IL6ST: variants seen among roughly 807,000 people sequenced by gnomAD.
IL6ST encodes the protein interleukin-6 receptor subunit beta.
A neutral mutation model predicts 91.3 loss-of-function variants in IL6ST; 24 were observed. That is an observed-to-expected ratio of 0.26 (90% CI 0.19 to 0.37). The LOEUF is 0.37. Ranked by LOEUF, IL6ST falls within the 10% of genes least tolerant of loss-of-function variation. The pLI is 1.00. For missense variants in IL6ST, 914 were observed against 1,078.5 expected (o/e 0.85, Z 2.14); for synonymous variants, 351 against 373.6 (o/e 0.94, Z 0.70).
rs773736097 is a variant in IL6ST, at chr5:55,963,455, G to C, written c.710C>G (p.Ser237Cys). 6.2e-7 allele frequency: 1 copy of C among 1,608,152 alleles called. No homozygotes were observed. Among genetic ancestry groups the C allele is most frequent in the Admixed American group, 1.7e-5 (1 of 59,734 alleles). ...GGTCCATGTCAATTTTAAGATACTA[G>C]ACAGTTCCTCTGAGTTGATCACTGA... is the stretch of plus-strand genomic sequence containing the variant. ...NLSVINSEEL[S>C]SILKLTWTNP... The change falls in exon 7 of 17, where the codon TCT becomes TGT. Residue 237 changes from serine to cysteine, a missense_variant. Transcript: ENST00000381298.
In IL6ST at chr5:55,963,457, C is replaced by A. The variant is rs1457842449; in HGVS notation, c.708G>T (p.Leu236=). 1.2e-6 allele frequency: 2 copies of A among 1,608,940 alleles called. No homozygotes were observed. Among genetic ancestry groups the A allele is most frequent in the African/African-American group, 2.7e-5 (2 of 74,742 alleles). Residue 236 remains leucine, a synonymous_variant, in exon 7 of 17, where the codon CTG becomes CTT. Transcript: ENST00000381298. ...TCCATGTCAATTTTAAGATACTAGA[C>A]AGTTCCTCTGAGTTGATCACTGATA... is the stretch of plus-strand genomic sequence containing the variant. ...HNLSVINSEE[L]SSILKLTWTN...
At position 55,956,213 on chromosome 5, in the gene IL6ST, T is replaced by C. The variant is rs769896251; in HGVS notation, c.1079A>G (p.Asn360Ser). 6.2e-6 allele frequency: 10 copies of C among 1,606,084 alleles called. No homozygotes were observed. The South Asian group carries it at 6.6e-5, about 11-fold the overall frequency. Residue 360 changes from asparagine (N) to serine (S), a missense_variant, in exon 10 of 17, where the codon AAT (asparagine) becomes AGT (serine). Physicochemically the swap from Asn to Ser is conservative, Grantham distance 46 (BLOSUM62 1). Coordinates refer to ENST00000381298, the MANE Select transcript of IL6ST (RefSeq NM_002184.4). ...VWKTLPPFEA[N>S]GKILDYEVTL... ...CACTTCATAATCCAAGATTTTTCCA[T>C]TGGCTTCAAAAGGAGGCAATGTCTG...
chr5:55,968,900 T>C (rs1190128544), intron 4 of IL6ST, among the ~76,000 whole-genome samples: 1 of 152,172 alleles, frequency 6.6e-6, no homozygotes, highest in African/African-American at 2.4e-5. Context: ...TTTGTTTACT[T>C]TGTTACTCCA....
chr5:55,969,951 G>A (rs1752867769), intron 3 of IL6ST, 96 bp from the exon 4 acceptor site: 4 of 707,680 alleles, frequency 5.7e-6, no homozygotes, highest in Non-Finnish European at 9.4e-6. Context: ...TCCCTCAACC[G>A]TCACTAAAAT....
intron 2 of IL6ST, among the ~76,000 whole-genome samples, chr5:55,977,691 T>C (rs966737213): frequency 6.6e-6 from 1 of 152,088 alleles, no homozygotes; most frequent in African/African-American, 2.4e-5. Context: ...CTTGGCGTGG[T>C]GGCGGGTGTC....
At chr5:55,942,586 C>A in intron 16 of IL6ST, 84 bp downstream of exon 16, 1 of 689,850 alleles carries the variant, frequency 1.4e-6, no homozygotes, top group Non-Finnish European at 2.6e-6. Flanking sequence ...TGTAGATACT[C>A]AATATACCTA....
intron 14 of IL6ST, among the ~76,000 whole-genome samples, chr5:55,949,153 TA>T (rs561985951): frequency 9.9e-5 from 15 of 152,150 alleles, no homozygotes; most frequent in Non-Finnish European, 1.8e-4. Context: ...CTGTACAGTC[TA>T]AATTCCCTAT....
At chr5:55,949,533 CATACAT>C (rs944223536) in intron 14 of IL6ST, among the ~76,000 whole-genome samples, 10 of 152,024 alleles carry the variant, frequency 6.6e-5, no homozygotes, top group Non-Finnish European at 1.3e-4. Context: ...TACACACACA[CATACAT>C]ATATACAAAG....
chr5:55,964,791 A>T (rs937287178), intron 5 of IL6ST, among the ~76,000 whole-genome samples: 2 of 152,080 alleles, frequency 1.3e-5, no homozygotes, highest in South Asian at 4.1e-4. Context: ...CTACTTTCTG[A>T]TTTCTATCAC....
chr5:55,968,314 T>C lies in IL6ST; in HGVS notation c.453A>G (p.Glu151=), dbSNP rs2228045. ...AAGTGAAGTTTGTCTCCAAGTGTGT[T>C]TCCCTTCCACCATCCCACTCACACC... is the stretch of plus-strand genomic sequence containing the variant. ...KMRCEWDGGR[E]THLETNFTLK... is the part of the protein sequence containing the mutation. The change falls in exon 5 of 17, where the codon GAA becomes GAG. Residue 151 remains glutamate (E), a synonymous_variant. Coordinates refer to ENST00000381298, the MANE Select transcript of IL6ST (RefSeq NM_002184.4). 9,734 of 1,600,328 alleles carry C rather than the reference T, an allele frequency of 6.1e-3. 532 individuals carry two copies. In the African/African-American group the frequency reaches 0.11, roughly 19 times the overall value.
chr5:55,994,728 G>C (rs1011578960), intron 1 of IL6ST, 56 bp downstream of exon 1: 2 of 152,374 alleles, frequency 1.3e-5, no homozygotes, highest in Non-Finnish European at 1.5e-5. Flanking sequence ...TAGCCCGTCC[G>C]AAACCACCGA....
At chr5:55,963,168 G>C (rs890090581) in intron 7 of IL6ST, among the ~76,000 whole-genome samples, 184 bp downstream of exon 7, 108 of 151,576 alleles carry the variant, frequency 7.1e-4, no homozygotes, top group African/African-American at 2.5e-3. Flanking sequence ...ATTTAGCAAA[G>C]CTGTATTTTC....
intron 14 of IL6ST, among the ~76,000 whole-genome samples, chr5:55,951,033 C>A (rs937527836): frequency 6.6e-6 from 1 of 151,916 alleles, no homozygotes; most frequent in Non-Finnish European, 1.5e-5. Context: ...CTGAGTGACA[C>A]CAGAGAGGTT....
At chr5:55,965,764 G>A (rs1019433122) in intron 5 of IL6ST, among the ~76,000 whole-genome samples, 1 of 146,604 alleles carries the variant, frequency 6.8e-6, no homozygotes, top group Non-Finnish European at 1.5e-5. Flanking sequence ...GCAGTGAGCC[G>A]AGATCACGCC....
chr5:55,938,246 G>A lies in IL6ST; in HGVS notation c.*2836C>T, dbSNP rs181679892. 1 of 193,036 alleles carries A rather than the reference G, an allele frequency of 5.2e-6. No homozygotes were observed. The highest frequency in any genetic ancestry group is 1.9e-4 in the South Asian group (1 of 5,200). 12.0% of individuals were successfully genotyped at this position (193,036 alleles called of 1,614,324 possible). A position where few individuals can be genotyped will look rare whatever the true frequency, so the allele number is the denominator to read the frequency against. On this transcript the variant is annotated 3_prime_UTR_variant, in exon 17 of 17. Coordinates refer to ENST00000381298, the MANE Select transcript of IL6ST (RefSeq NM_002184.4). ...TAAATGAACAATTAGGTAGAGAAGA[G>A]GTATGAACACAGAACATGTGAATGA...
At chr5:55,976,118 A>C (rs1753273349) in intron 3 of IL6ST, 97 bp downstream of exon 3, 2 of 495,760 alleles carry the variant, frequency 4.0e-6, no homozygotes, top group African/African-American at 2.0e-5. Context: ...AGAATATATG[A>C]ACATAATAAT....
chr5:55,938,961 A>C lies in IL6ST; in HGVS notation c.*2121T>G. ...CAAATTTGTTTATATCATGGCCTTC[A>C]ATGATCCTCCATTCTCATTCCTGTA... On this transcript the variant is annotated 3_prime_UTR_variant, in exon 17 of 17. Transcript: ENST00000381298. 1 of 204,116 alleles carries C rather than the reference A, an allele frequency of 4.9e-6. No homozygotes were observed. Among genetic ancestry groups the C allele is most frequent in the Admixed American group, 6.0e-5 (1 of 16,746 alleles). 12.6% of individuals were successfully genotyped at this position (204,116 alleles called of 1,614,324 possible).
chr5:55,989,958 G>A (rs761853530), intron 1 of IL6ST, among the ~76,000 whole-genome samples: 1 of 152,060 alleles, frequency 6.6e-6, no homozygotes, highest in Non-Finnish European at 1.5e-5. Context: ...TTGCACTAGG[G>A]GGTGGGGTTG....
At position 55,960,409 on chromosome 5, in the gene IL6ST, A is replaced by G; in HGVS notation, c.966T>C (p.Tyr322=). The change falls in exon 8 of 17, where the codon TAT becomes TAC. Residue 322 remains tyrosine, a synonymous_variant. Transcript: ENST00000381298. ...ATATACTTATGTACTTACTATCTTC[A>G]TAGGTGATCCCACTTGCTTCTTCAC... The part of the protein sequence containing the change: ...DWSEEASGIT[Y]EDRPSKAPSF... 1 of 1,612,938 alleles carries G rather than the reference A, an allele frequency of 6.2e-7. No individual in the cohort carries two copies. The highest frequency in any genetic ancestry group is 1.7e-5 in the Admixed American group (1 of 59,910).
Sources: allele counts gnomAD v4.1 joint callset (sites outside exome capture counted in the v4.1 genomes callset), GRCh38; gene constraint gnomAD v4.1.1; transcripts MANE v1.5; gene names NCBI Gene and HGNC (gene_info 2026-07-23, HGNC 2026-07-21).